SHISAL2B: variants seen among roughly 807,000 people sequenced by gnomAD.
SHISAL2B encodes shisa like 2B.
In SHISAL2B, 12 loss-of-function variants were observed where a neutral mutation model predicts 16.5. That is an observed-to-expected ratio of 0.73 (90% CI 0.47 to 1.18). The LOEUF (loss-of-function observed/expected upper bound fraction) is 1.18, where lower values mean the gene tolerates loss of function less well. Among genes scored for constraint, SHISAL2B ranks in the 50% most tolerant of loss-of-function variants. The pLI, the probability that SHISAL2B is intolerant of heterozygous loss-of-function variation, is 0.00. For missense variants in SHISAL2B, 183 were observed against 193.6 expected, an observed-to-expected ratio of 0.95 and a Z score of 0.33; for synonymous variants, 72 against 75.0, an observed-to-expected ratio of 0.96 and a Z score of 0.21.
chr5:64,708,575 TTTTTA>T (rs1221842883), intron 2 of SHISAL2B, among the ~76,000 whole-genome samples: 3 of 152,188 alleles, frequency 2.0e-5, no homozygotes, highest in Admixed American at 6.5e-5. Context: ...AATGCCTGAT[TTTTTA>T]ATCATCTTGA....
At chr5:64,704,820 A>T (rs1006039375) in intron 2 of SHISAL2B, among the ~76,000 whole-genome samples, 1 of 152,122 alleles carries the variant, frequency 6.6e-6, no homozygotes, top group African/African-American at 2.4e-5. Flanking sequence ...TTCTCTTTTA[A>T]AATTATCCCA....
At chr5:64,716,305 C>G (rs1026213543) in intron 2 of SHISAL2B, among the ~76,000 whole-genome samples, 2 of 152,094 alleles carry the variant, frequency 1.3e-5, no homozygotes, top group African/African-American at 4.8e-5. Context: ...TCTTTTGCTA[C>G]TCAGTTTTAA....
chr5:64,714,122 T>C (rs1742000517), intron 2 of SHISAL2B, among the ~76,000 whole-genome samples: 1 of 151,142 alleles, frequency 6.6e-6, no homozygotes, highest in Admixed American at 6.6e-5. Context: ...TGCTCTGTGT[T>C]TTAGAGTTTC....
intron 2 of SHISAL2B, among the ~76,000 whole-genome samples, chr5:64,708,595 A>C (rs1327268645): frequency 6.6e-6 from 1 of 152,218 alleles, no homozygotes; most frequent in Non-Finnish European, 1.5e-5. Context: ...TCTTGACAAT[A>C]AGATATAATT....
At chr5:64,712,654 T>C (rs1176893076) in intron 2 of SHISAL2B, among the ~76,000 whole-genome samples, 55 of 151,998 alleles carry the variant, frequency 3.6e-4, no homozygotes, top group Admixed American at 6.5e-5. Flanking sequence ...AAGTCTCCCA[T>C]TATTAATGTG....
chr5:64,694,279 A>G (rs1741697240), intron 1 of SHISAL2B: 2 of 354,478 alleles, frequency 5.6e-6, no homozygotes, highest in South Asian at 4.4e-5. Flanking sequence ...AATGCTTTAA[A>G]TAAGTGTGTA....
intron 2 of SHISAL2B, among the ~76,000 whole-genome samples, chr5:64,707,140 AT>A (rs574924112): frequency 1.4e-4 from 21 of 152,158 alleles, no homozygotes; most frequent in African/African-American, 4.3e-4. Context: ...CTTTAGTCTT[AT>A]GCTTGGCCTG....
chr5:64,709,107 T>C (rs1212914165), intron 2 of SHISAL2B, among the ~76,000 whole-genome samples: 2 of 149,638 alleles, frequency 1.3e-5, no homozygotes, highest in Non-Finnish European at 3.0e-5. Flanking sequence ...TACATATGTA[T>C]ACATGTGCCA....
At chr5:64,708,245 A>G (rs1175975153) in intron 2 of SHISAL2B, among the ~76,000 whole-genome samples, 1 of 152,200 alleles carries the variant, frequency 6.6e-6, no homozygotes, top group Non-Finnish European at 1.5e-5. Context: ...TATGATTTCT[A>G]TACCAATAAG....
Position 64,690,640 on chromosome 5 carries a change from G to A in SHISAL2B, c.17G>A (p.Arg6Gln). MSEASRLCSGYYSLNQ... is the reference protein window; with the variant it reads MSEASQLCSGYYSLNQ... The stretch of plus-strand genomic sequence containing the variant: ...CTGCCCGCGATGAGCGAGGCCAGCC[G>A]ACTGTGCTCCGGCTACTACAGCCTC... Residue 6 changes from arginine to glutamine, a missense_variant, in exon 1 of 3, where the codon CGA becomes CAA. Transcript: ENST00000389074. 1 of 1,504,154 alleles carries A rather than the reference G, an allele frequency of 6.6e-7. No individual in the cohort carries two copies. Among genetic ancestry groups the A allele is most frequent in the Non-Finnish European group, 8.9e-7 (1 of 1,126,900 alleles). The allele number at this position is 1,504,154 out of a possible 1,614,324, so 93.2% of individuals were successfully genotyped here.
At chr5:64,711,338 AT>A (rs1741955162) in intron 2 of SHISAL2B, among the ~76,000 whole-genome samples, 1 of 149,332 alleles carries the variant, frequency 6.7e-6, no homozygotes, top group African/African-American at 2.6e-5. Flanking sequence ...GCTGGATTAC[AT>A]TTATTGATTT....
At chr5:64,701,441 T>A (rs1741808198) in intron 2 of SHISAL2B, among the ~76,000 whole-genome samples, 1 of 152,194 alleles carries the variant, frequency 6.6e-6, no homozygotes, top group Non-Finnish European at 1.5e-5. Flanking sequence ...TAGCATCTTC[T>A]CCCTCTCATA....
intron 2 of SHISAL2B, among the ~76,000 whole-genome samples, chr5:64,705,815 G>A (rs563574141): frequency 6.6e-6 from 1 of 152,258 alleles, no homozygotes; most frequent in South Asian, 2.1e-4. Context: ...GGTGGGTGGG[G>A]ATACAGTCTG....
At chr5:64,713,995 A>G (rs9647522) in intron 2 of SHISAL2B, among the ~76,000 whole-genome samples, 14,009 of 82,338 alleles carry the variant, frequency 0.17, 514 homozygotes, top group African/African-American at 0.38. Flanking sequence ...ATGTCCTCCC[A>G]TAGCTCAGAG....
Position 64,695,550 on chromosome 5 carries a change from C to G in SHISAL2B, c.235C>G (p.Leu79Val), listed in dbSNP as rs1171233783. 1 of 1,536,406 alleles carries G rather than the reference C, an allele frequency of 6.5e-7. No individual in the cohort carries two copies. The highest frequency in any genetic ancestry group is 2.0e-5 in the Admixed American group (1 of 50,840). ...ACTAGGAATTGCTGCCCTTGTTTTA[C>G]TCGCCTTTGTCATCAGTGTCTGTGT... ...IGLGIAALVL[L>V]AFVISVCVLC... Residue 79 changes from leucine (L) to valine (V), a missense_variant, in exon 2 of 3, where the codon CTC (leucine) becomes GTC (valine). By Grantham distance (32) the Leu-to-Val change is conservative (BLOSUM62 1). Transcript: ENST00000389074.
At chr5:64,694,183 G>A (rs866045896) in intron 1 of SHISAL2B, 16 of 439,502 alleles carry the variant, frequency 3.6e-5, no homozygotes, top group Middle Eastern at 6.6e-4. Flanking sequence ...TTTCAATGAC[G>A]TATGTTCCAA....
intron 2 of SHISAL2B, among the ~76,000 whole-genome samples, chr5:64,712,500 A>G (rs1425096013): frequency 1.3e-5 from 2 of 151,004 alleles, no homozygotes; most frequent in African/African-American, 2.4e-5. Flanking sequence ...TGGTGCTGAA[A>G]AAAATGTATA....
chr5:64,711,488 T>C (rs1455566444), intron 2 of SHISAL2B, among the ~76,000 whole-genome samples: 2 of 126,854 alleles, frequency 1.6e-5, no homozygotes, highest in African/African-American at 3.3e-5. Flanking sequence ...AGGATATTGG[T>C]CTAAAATTCT....
chr5:64,701,895 G>T (rs775695921), intron 2 of SHISAL2B, among the ~76,000 whole-genome samples: 5 of 152,238 alleles, frequency 3.3e-5, no homozygotes, highest in Middle Eastern at 3.4e-3. Flanking sequence ...AGATATCCTT[G>T]CTCCCCCAAA....
Sources: gnomAD v4.1 joint callset for allele counts (sites outside exome capture counted in the v4.1 genomes callset) on GRCh38, gnomAD v4.1.1 for gene constraint, MANE v1.5 for transcripts, NCBI Gene and HGNC (gene_info 2026-07-23, HGNC 2026-07-21) for gene names.